RIPOR2: variants seen among roughly 807,000 people sequenced by gnomAD.
RIPOR2 encodes the protein RHO family interacting cell polarization regulator 2, also known as rho family-interacting cell polarization regulator 2.
A neutral mutation model predicts 114.5 loss-of-function variants in RIPOR2; 39 were observed. The ratio of observed to expected loss-of-function variants is 0.34; its 90% CI spans 0.26 to 0.44. The LOEUF (loss-of-function observed/expected upper bound fraction) is 0.44, where lower values mean the gene tolerates loss of function less well. RIPOR2 is among the 20% of genes least tolerant of loss of function. RIPOR2 has a pLI of 1.00. For synonymous variants in RIPOR2, 445 were observed against 484.4 expected (o/e 0.92, Z 1.07); for missense variants, 1,007 against 1,255.1 (o/e 0.80, Z 2.99).
At chr6:25,025,387 A>C (rs1391843334) in intron 1 of RIPOR2, among the ~76,000 whole-genome samples, 1 of 152,144 alleles carries the variant, frequency 6.6e-6, no homozygotes. Flanking sequence ...TCTCTGTTGA[A>C]TAACAGTGCT....
chr6:24,936,673 A>T (rs898922618), upstream of RIPOR2, among the ~76,000 whole-genome samples: 1 of 152,218 alleles, frequency 6.6e-6, no homozygotes, highest in Non-Finnish European at 1.5e-5. Context: ...TCCCAAAGGG[A>T]TGAGTGAACA....
At chr6:25,029,327 G>A (rs1190858385) in intron 1 of RIPOR2, among the ~76,000 whole-genome samples, 1 of 150,666 alleles carries the variant, frequency 6.6e-6, no homozygotes, top group Non-Finnish European at 1.5e-5. Flanking sequence ...GCGTGAACCC[G>A]GGAGGCGGAG....
intron 1 of RIPOR2, among the ~76,000 whole-genome samples, chr6:24,881,578 G>A (rs948421010): frequency 5.9e-5 from 9 of 152,174 alleles, no homozygotes; most frequent in African/African-American, 1.4e-4. Context: ...GCTGTTTCTC[G>A]TCCCAGTTTC....
intron 1 of RIPOR2, among the ~76,000 whole-genome samples, chr6:24,990,265 G>A (rs933445180): frequency 1.5e-4 from 23 of 152,192 alleles, no homozygotes; most frequent in African/African-American, 5.1e-4. Flanking sequence ...GTTTCTGGAC[G>A]TGTCAAAGGA....
intron 1 of RIPOR2, among the ~76,000 whole-genome samples, chr6:24,983,768 A>AAAAAAAAAAC (rs1774411310): frequency 6.6e-6 from 1 of 150,732 alleles, no homozygotes. Context: ...AAAAAAAAAA[A>AAAAAAAAAAC]AAAAAAAAAA....
chr6:24,807,952 T>C (rs1278898177), intron 21 of RIPOR2, among the ~76,000 whole-genome samples: 1 of 152,170 alleles, frequency 6.6e-6, no homozygotes, highest in Non-Finnish European at 1.5e-5. Context: ...TCAAAGAAGA[T>C]TCATAATATT....
At chr6:24,944,963 T>C (rs1772333451) in intron 1 of RIPOR2, among the ~76,000 whole-genome samples, 1 of 152,162 alleles carries the variant, frequency 6.6e-6, no homozygotes. Flanking sequence ...AGGGAAATTA[T>C]AGTTGACAGT....
chr6:24,884,779 T>A (rs979069037), intron 1 of RIPOR2, among the ~76,000 whole-genome samples: 1 of 152,206 alleles, frequency 6.6e-6, no homozygotes, highest in East Asian at 1.9e-4. Context: ...AGGAGACTAC[T>A]TGGACATGTA....
intron 21 of RIPOR2, among the ~76,000 whole-genome samples, chr6:24,807,246 C>T (rs761615092): frequency 3.3e-5 from 5 of 152,240 alleles, no homozygotes; most frequent in African/African-American, 9.6e-5. Flanking sequence ...GTGAGTGGAT[C>T]ACTTGAGGTC....
At chr6:24,973,860 C>T (rs935683687) in intron 1 of RIPOR2, among the ~76,000 whole-genome samples, 1 of 152,026 alleles carries the variant, frequency 6.6e-6, no homozygotes, top group Non-Finnish European at 1.5e-5. Context: ...AACCAAATAC[C>T]ACATATTCTT....
intron 13 of RIPOR2, 57 bp downstream of exon 13, chr6:24,842,805 G>T: frequency 9.9e-7 from 1 of 1,008,648 alleles, no homozygotes; most frequent in Non-Finnish European, 1.3e-6. Flanking sequence ...TAAATAGAAT[G>T]TTGGCTTAGG....
chr6:24,957,929 C>A (rs908040706), intron 1 of RIPOR2, among the ~76,000 whole-genome samples: 1 of 151,970 alleles, frequency 6.6e-6, no homozygotes, highest in Non-Finnish European at 1.5e-5. Context: ...AATTACAAAT[C>A]CTTCTGATAA....
At chr6:24,943,563 C>T (rs1231707675) in intron 1 of RIPOR2, among the ~76,000 whole-genome samples, 1 of 152,108 alleles carries the variant, frequency 6.6e-6, no homozygotes, top group Non-Finnish European at 1.5e-5. Flanking sequence ...TCGACTTTTG[C>T]AGAAGGCTGG....
chr6:24,807,808 C>T (rs1780871083), intron 21 of RIPOR2, among the ~76,000 whole-genome samples: 1 of 152,166 alleles, frequency 6.6e-6, no homozygotes, highest in East Asian at 1.9e-4. Flanking sequence ...GCCCTGAGTC[C>T]TTTAAGTGCC....
At chr6:24,859,792 G>A (rs944011923) in intron 8 of RIPOR2, among the ~76,000 whole-genome samples, 1 of 151,974 alleles carries the variant, frequency 6.6e-6, no homozygotes, top group African/African-American at 2.4e-5. Context: ...CCCTCCTGTC[G>A]AGCCCTTTCA....
chr6:24,908,659 G>A (rs886634978), intron 1 of RIPOR2, among the ~76,000 whole-genome samples: 1 of 152,166 alleles, frequency 6.6e-6, no homozygotes, highest in African/African-American at 2.4e-5. Flanking sequence ...AGGGCCCCAG[G>A]TCAATGGGTA....
chr6:25,033,011 C>A (rs1486151527), intron 1 of RIPOR2, among the ~76,000 whole-genome samples: 2 of 152,102 alleles, frequency 1.3e-5, no homozygotes, highest in Non-Finnish European at 2.9e-5. Flanking sequence ...TCAAGACCAG[C>A]CTGGGCAACA....
chr6:25,025,213 G>A (rs1390359130), intron 1 of RIPOR2, among the ~76,000 whole-genome samples: 1 of 152,148 alleles, frequency 6.6e-6, no homozygotes, highest in East Asian at 1.9e-4. Context: ...GTGGGTGGTG[G>A]GAGTTCTAAA....
intron 1 of RIPOR2, among the ~76,000 whole-genome samples, chr6:24,988,070 C>T (rs573739559): frequency 1.6e-4 from 24 of 152,316 alleles, no homozygotes; most frequent in Non-Finnish European, 2.5e-4. Flanking sequence ...TCTTTCAGTT[C>T]AGAAGTAGAC....
Sources: allele counts gnomAD v4.1 joint callset (sites outside exome capture counted in the v4.1 genomes callset), GRCh38; gene constraint gnomAD v4.1.1; transcripts MANE v1.5; gene names NCBI Gene and HGNC (gene_info 2026-07-23, HGNC 2026-07-21).